Variants in BEAN1 observed in about 807,000 individuals in gnomAD.
The protein encoded by BEAN1 is brain expressed associated with NEDD4 1.
BEAN1 carries 17 observed loss-of-function variants against 17.7 expected under a neutral mutation model. The observed-to-expected ratio is 0.96, with a 90% CI of 0.66 to 1.44. BEAN1 has a LOEUF of 1.44. Among genes scored for constraint, BEAN1 ranks in the 40% most tolerant of loss-of-function variants. BEAN1 has a pLI of 0.00. For synonymous variants in BEAN1, 142 were observed against 151.8 expected (o/e 0.94, Z 0.47); for missense variants, 359 against 374.1 (o/e 0.96, Z 0.33).
At chr16:66,472,322 G>T (rs1304936203) in intron 3 of BEAN1, among the ~76,000 whole-genome samples, 1 of 152,244 alleles carries the variant, frequency 6.6e-6, no homozygotes, top group Non-Finnish European at 1.5e-5. Flanking sequence ...CCCCAGACAG[G>T]CTCAGGCCTG....
chr16:66,479,946 C>T (rs1963921455), intron 4 of BEAN1, among the ~76,000 whole-genome samples: 1 of 152,174 alleles, frequency 6.6e-6, no homozygotes, highest in African/African-American at 2.4e-5. Flanking sequence ...GCCAGCCCCC[C>T]TCAGGCAGAT....
At chr16:66,461,645 A>G (rs1239565345) in intron 2 of BEAN1, among the ~76,000 whole-genome samples, 4 of 151,364 alleles carry the variant, frequency 2.6e-5, no homozygotes, top group Non-Finnish European at 5.9e-5. Flanking sequence ...TAGGTTTGCA[A>G]TCTAAGCACC....
At chr16:66,474,626 G>A (rs868346457) in intron 3 of BEAN1, among the ~76,000 whole-genome samples, 35 of 46,402 alleles carry the variant, frequency 7.5e-4, no homozygotes, top group East Asian at 1.7e-3. Flanking sequence ...GGAAGGGAGG[G>A]AGGGAGGGAG....
At chr16:66,456,957 C>T (rs1270483838) in intron 2 of BEAN1, among the ~76,000 whole-genome samples, 1 of 152,164 alleles carries the variant, frequency 6.6e-6, no homozygotes, top group African/African-American at 2.4e-5. Flanking sequence ...TTGTATTTTT[C>T]CAGTTACGTT....
chr16:66,462,315 G>A (rs895271405), intron 2 of BEAN1, among the ~76,000 whole-genome samples: 3 of 152,156 alleles, frequency 2.0e-5, no homozygotes, highest in Admixed American at 1.3e-4. Flanking sequence ...ATTAGAGGTT[G>A]GCACTTCATC....
intron 1 of BEAN1, among the ~76,000 whole-genome samples, chr16:66,432,225 C>A (rs1284517759): frequency 2.6e-5 from 4 of 152,156 alleles, no homozygotes; most frequent in Non-Finnish European, 5.9e-5. Flanking sequence ...CTTTTCTCCC[C>A]CACTCCTAAA....
At chr16:66,487,186 GT>G (rs1247897842), downstream of BEAN1, among the ~76,000 whole-genome samples, 1 of 152,220 alleles carries the variant, frequency 6.6e-6, no homozygotes, top group Non-Finnish European at 1.5e-5. Flanking sequence ...ACACAGTTTT[GT>G]TCCTGAAGAG....
rs994602787 is a variant in BEAN1, at chr16:66,473,487, G to T, written c.289+3622G>T. On this transcript the variant is annotated intron_variant, in intron 3 of 4. Transcript: ENST00000536005. The surrounding 1 kb of genome is among the most constrained non-coding windows in gnomAD (Gnocchi z 4.5). ...TGCGCAGGGGCTGCCGGGAGCCTTG[G>T]GAGGGTGCCAGGGAAGAGGGAAACG... Among the ~76,000 whole-genome samples, 1 of 152,118 alleles carries T rather than the reference G, an allele frequency of 6.6e-6. No homozygotes were observed. The highest frequency in any genetic ancestry group is 6.5e-5 in the Admixed American group (1 of 15,280).
chr16:66,489,572 A>G (rs1964136659), intron 4 of BEAN1, among the ~76,000 whole-genome samples: 1 of 152,160 alleles, frequency 6.6e-6, no homozygotes, highest in Non-Finnish European at 1.5e-5. Flanking sequence ...TAGCACCCAC[A>G]GTGTTGTGGG....
At chr16:66,489,123 G>C (rs1411801703) in intron 4 of BEAN1, among the ~76,000 whole-genome samples, 1 of 151,492 alleles carries the variant, frequency 6.6e-6, no homozygotes, top group Non-Finnish European at 1.5e-5. Context: ...AGTGAGCCGA[G>C]ACTGCACTGT....
intron 2 of BEAN1, among the ~76,000 whole-genome samples, chr16:66,448,470 A>T (rs1178555408): frequency 2.0e-5 from 3 of 152,184 alleles, no homozygotes; most frequent in African/African-American, 7.2e-5. Flanking sequence ...TACATACAGA[A>T]AGGTGCACCA....
At chr16:66,482,867 T>C (rs1306597416), downstream of BEAN1, 1 of 455,958 alleles carries the variant, frequency 2.2e-6, no homozygotes, top group African/African-American at 2.0e-5. Context: ...TTCTTTTCTT[T>C]TTTTCTTCAG....
chr16:66,488,518 CAAAAAAA>C (rs35976761), intron 4 of BEAN1, among the ~76,000 whole-genome samples: 11 of 49,242 alleles, frequency 2.2e-4, no homozygotes, highest in Non-Finnish European at 4.2e-4. Context: ...TTATCACTAC[CAAAAAAA>C]AAAAAAAAAA....
intron 4 of BEAN1, among the ~76,000 whole-genome samples, chr16:66,478,385 G>A (rs574309267): frequency 7.2e-5 from 11 of 151,856 alleles, no homozygotes; most frequent in African/African-American, 1.9e-4. Context: ...GGGGGATCAC[G>A]AGGTCAGGAG....
intron 1 of BEAN1, among the ~76,000 whole-genome samples, chr16:66,435,797 G>C (rs1490625640): frequency 6.6e-6 from 1 of 152,080 alleles, no homozygotes; most frequent in Non-Finnish European, 1.5e-5. Context: ...AAAATAACTG[G>C]TTTTTCTATT....
intron 3 of BEAN1, among the ~76,000 whole-genome samples, chr16:66,474,738 GGAAA>G (rs1567505518): frequency 6.6e-6 from 1 of 151,246 alleles, no homozygotes; most frequent in East Asian, 2.0e-4. Flanking sequence ...GAAAAAGAAA[GGAAA>G]GAGAAAGAAA....
chr16:66,477,695 C>T lies in BEAN1; in HGVS notation c.425C>T (p.Pro142Leu). Residue 142 changes from proline to leucine, a missense_variant, in exon 4 of 5, where the codon CCA becomes CTA. Coordinates refer to ENST00000536005, the MANE Select transcript of BEAN1 (RefSeq NM_001178020.3). ...GCCACGGTGCTCAGGGAGCTGTACCCAGATTCTCCACCAGGGTAAGGAGGC... is the reference window on the plus strand; with the variant it reads ...GCCACGGTGCTCAGGGAGCTGTACCTAGATTCTCCACCAGGGTAAGGAGGC... Reference protein sequence around the residue: ...VDATVLRELYPDSPPGYEECV... With the variant: ...VDATVLRELYLDSPPGYEECV... The T allele has an allele frequency of 6.5e-7, 1 of 1,548,186 alleles. No individual in the cohort carries two copies. The highest frequency in any genetic ancestry group is 1.2e-5 in the South Asian group (1 of 83,522).
downstream of BEAN1, chr16:66,484,673 T>A (rs766787781): frequency 2.2e-6 from 1 of 453,898 alleles, no homozygotes; most frequent in South Asian, 1.6e-5. This position sits in a 1 kb window ranked among gnomAD's most constrained non-coding sequence, Gnocchi z 4.2. Flanking sequence ...GAGTACCAGA[T>A]GGAGTGAGGC....
intron 4 of BEAN1, among the ~76,000 whole-genome samples, chr16:66,491,146 G>A (rs1025240166): frequency 5.9e-5 from 9 of 152,206 alleles, no homozygotes; most frequent in African/African-American, 1.9e-4. Flanking sequence ...GGGCCGGCTC[G>A]ATGTCTGCAG....
Sources: gnomAD v4.1 joint callset for allele counts (sites outside exome capture counted in the v4.1 genomes callset) on GRCh38, gnomAD v4.1.1 for gene constraint, Gnocchi (gnomAD v3.1) non-coding constraint, MANE v1.5 for transcripts, NCBI Gene and HGNC (gene_info 2026-07-23, HGNC 2026-07-21) for gene names.